ZNF534: variants seen among roughly 807,000 people sequenced by gnomAD.
The protein encoded by ZNF534 is zinc finger protein 534, also known as KRAB domain only 3.
Under a neutral mutation model 13.6 loss-of-function variants are expected in ZNF534, and 19 were observed. The ratio of observed to expected loss-of-function variants is 1.40; its 90% CI spans 0.97 to 2.05. ZNF534 has a LOEUF of 2.05. ZNF534 is among the 30% of genes most tolerant of loss of function. The pLI is 0.00. For synonymous variants in ZNF534, 244 were observed against 273.8 expected (o/e 0.89, Z 1.07); for missense variants, 782 against 796.3 (o/e 0.98, Z 0.22).
rs1198548372 is a variant in ZNF534, at chr19:52,439,303, T to G, written c.1843T>G (p.Phe615Val). Reference protein sequence around the residue: ...LYKCNECSKVFSRNSRLAQHR... With the variant: ...LYKCNECSKVVSRNSRLAQHR... ...CAAATGTAATGAATGTAGCAAGGTCTTCAGTCGGAATTCACGCCTTGCACA... is the reference window on the plus strand; with the variant it reads ...CAAATGTAATGAATGTAGCAAGGTCGTCAGTCGGAATTCACGCCTTGCACA... The change falls in exon 5 of 5, where the codon TTC (phenylalanine) becomes GTC (valine). Residue 615 changes from phenylalanine to valine, a missense_variant. Around this residue, in one of 5 missense-constraint regions of ZNF534, gnomAD observed 60 missense variants for 59.9 expected, o/e 1.00. Transcript: ENST00000433050. 6.4e-7 allele frequency: 1 copy of G among 1,559,828 alleles called. No individual in the cohort carries two copies. Among genetic ancestry groups the G allele is most frequent in the South Asian group, 1.2e-5 (1 of 85,102 alleles).
rs754407345 is a variant in ZNF534 at position 52,433,972 on chromosome 19, C to G, written c.33C>G (p.Ser11Arg). The G allele has an allele frequency of 3.1e-6, 5 of 1,613,768 alleles. No homozygotes were observed. The highest frequency in any genetic ancestry group is 1.7e-5 in the Admixed American group (1 of 59,984). MALTQGQLSF[S>R]DVAIEFSQEE... is the part of the protein sequence containing the mutation. ...CCTTTTAGGGGCAATTGTCATTCAG[C>G]GATGTGGCCATAGAATTCTCTCAGG... Residue 11 changes from serine to arginine, a missense_variant, in exon 3 of 5, where the codon AGC becomes AGG. Coordinates refer to ENST00000433050, the MANE Select transcript of ZNF534 (RefSeq NM_001143938.3).
At chr19:52,450,537 A>G (rs2059209443) in intron 4 of ZNF534, among the ~76,000 whole-genome samples, 1 of 152,016 alleles carries the variant, frequency 6.6e-6, no homozygotes, top group South Asian at 2.1e-4. Context: ...TCCCAGTAGC[A>G]AGCTGTTTTG....
chr19:52,444,789 G>T (rs1270694739), downstream of ZNF534, among the ~76,000 whole-genome samples: 1 of 152,090 alleles, frequency 6.6e-6, no homozygotes, highest in Non-Finnish European at 1.5e-5. Flanking sequence ...GGGAAAGCCG[G>T]TAGTCATAGG....
At chr19:52,429,842 G>A (rs1180183094) in intron 1 of ZNF534, among the ~76,000 whole-genome samples, 1 of 151,868 alleles carries the variant, frequency 6.6e-6, no homozygotes, top group Non-Finnish European at 1.5e-5. Flanking sequence ...TGATCTGCCC[G>A]CCTCATCCTT....
intron 4 of ZNF534, among the ~76,000 whole-genome samples, chr19:52,437,467 A>G (rs1194103015): frequency 1.3e-5 from 2 of 152,178 alleles, no homozygotes; most frequent in Non-Finnish European, 2.9e-5. Flanking sequence ...AAATAAAAAA[A>G]GTTAGCCAGG....
chr19:52,451,598 T>A (rs2059217037), exon 5 of ZNF534: 1 of 640,462 alleles, frequency 1.6e-6, no homozygotes, highest in African/African-American at 1.9e-5. Flanking sequence ...CTACGATCTG[T>A]ACAGTGCCTG....
chr19:52,436,819 C>T (rs1255328662), intron 4 of ZNF534, among the ~76,000 whole-genome samples: 1 of 151,992 alleles, frequency 6.6e-6, no homozygotes, highest in African/African-American at 2.4e-5. Flanking sequence ...TGTTTGTTAT[C>T]CTCATTCTTT....
chr19:52,432,591 A>G (rs1291082968), intron 2 of ZNF534, among the ~76,000 whole-genome samples: 1 of 152,126 alleles, frequency 6.6e-6, no homozygotes, highest in Non-Finnish European at 1.5e-5. Flanking sequence ...TGTTGTTATC[A>G]TCGCAGTTTT....
chr19:52,450,670 GT>G (rs796423133), intron 4 of ZNF534, among the ~76,000 whole-genome samples: 3,093 of 37,754 alleles, frequency 0.082, 224 homozygotes, highest in African/African-American at 0.25. Flanking sequence ...AATTTTAGGA[GT>G]TTTTTTTTTT....
At chr19:52,444,546 C>T (rs1444685955), downstream of ZNF534, among the ~76,000 whole-genome samples, 2 of 151,994 alleles carry the variant, frequency 1.3e-5, no homozygotes, top group African/African-American at 2.4e-5. Flanking sequence ...TAGGTGGGGG[C>T]AGGGCACTAG....
At chr19:52,432,418 TTC>T (rs1282595827) in intron 2 of ZNF534, among the ~76,000 whole-genome samples, 2 of 152,174 alleles carry the variant, frequency 1.3e-5, no homozygotes, top group African/African-American at 4.8e-5. Context: ...GCTGTTTCAG[TTC>T]TCACACCTGG....
At position 52,440,932 on chromosome 19, in the gene ZNF534, C is replaced by T. The variant is rs189948696; in HGVS notation, c.*1486C>T. 2.1e-4 allele frequency among the ~76,000 whole-genome samples: 31 copies of T among 150,814 alleles called. No homozygotes were observed. Among genetic ancestry groups the T allele is most frequent in the Admixed American group, 2.0e-4 (3 of 15,136 alleles). ...TTTTTTTCCCCCGAAACAAGAGTCT[C>T]GCTCTGATGCCCAGGCTGGAGTGCA... On this transcript the variant is annotated 3_prime_UTR_variant, in exon 5 of 5. Transcript: ENST00000433050.
rs2059167868 is a variant in ZNF534, at chr19:52,440,869, T to A, written c.*1423T>A. 6.6e-6 allele frequency among the ~76,000 whole-genome samples: 1 copy of A among 151,834 alleles called. No homozygotes were observed. ...TGAGAAGGTGTTCAGGTCTTAACTG[T>A]TCATTTTGTAATCCATAGTGGAGAT... On this transcript the variant is annotated 3_prime_UTR_variant, in exon 5 of 5. Transcript: ENST00000433050.
At chr19:52,433,617 T>C (rs547347334) in intron 2 of ZNF534, among the ~76,000 whole-genome samples, 2,028 of 152,250 alleles carry the variant, frequency 0.013, 23 homozygotes, top group Non-Finnish European at 0.021. Context: ...CCGACCGCCT[T>C]GGCCTCCCAA....
chr19:52,451,225 G>A, exon 5 of ZNF534: 1 of 718,938 alleles, frequency 1.4e-6, no homozygotes, highest in Middle Eastern at 2.3e-4. Flanking sequence ...CGTCTTCAGG[G>A]TGGAAGCCTG....
At position 52,441,745 on chromosome 19, in the gene ZNF534, T is replaced by C. The variant is rs985424836; in HGVS notation, c.*2299T>C. Among the ~76,000 whole-genome samples the C allele has an allele frequency of 1.3e-5, 2 of 152,136 alleles. No homozygotes were observed. The highest frequency in any genetic ancestry group is 2.9e-5 in the Non-Finnish European group (2 of 68,032). On this transcript the variant is annotated 3_prime_UTR_variant, in exon 5 of 5. Coordinates refer to ENST00000433050, the MANE Select transcript of ZNF534 (RefSeq NM_001143938.3). Reference sequence around the variant, plus strand: ...AATTCACATCTTGCGAATCACCACATAGAGAGAAACCTTACAAATACAAAT... The same window carrying C: ...AATTCACATCTTGCGAATCACCACACAGAGAGAAACCTTACAAATACAAAT...
chr19:52,435,927 TTTCTTCTTC>T (rs201515776), intron 4 of ZNF534, among the ~76,000 whole-genome samples: 1,720 of 119,062 alleles, frequency 0.014, 42 homozygotes, highest in African/African-American at 0.053. Flanking sequence ...TTTTCTTATT[TTTCTTCTTC>T]TTCTTTTTTT....
At position 52,431,449 on chromosome 19, in the gene ZNF534, G is replaced by A. The variant is rs778110923; in HGVS notation, c.-26G>A. 2.7e-5 allele frequency: 44 copies of A among 1,613,816 alleles called. No homozygotes were observed. Among genetic ancestry groups the A allele is most frequent in the Non-Finnish European group, 2.8e-5 (33 of 1,179,874 alleles). ...GACATATTATGCAAGGAAGCAACTCGGAAGAGGAAAGAAAGGAAGTCAGGA... is the reference window on the plus strand; with the variant it reads ...GACATATTATGCAAGGAAGCAACTCAGAAGAGGAAAGAAAGGAAGTCAGGA... On this transcript the variant is annotated 5_prime_UTR_variant, in exon 2 of 5. Coordinates refer to ENST00000433050, the MANE Select transcript of ZNF534 (RefSeq NM_001143938.3).
chr19:52,448,583 G>A (rs927521200), intron 4 of ZNF534, among the ~76,000 whole-genome samples: 1 of 152,000 alleles, frequency 6.6e-6, no homozygotes, highest in Non-Finnish European at 1.5e-5. Flanking sequence ...AAAAACAATT[G>A]TCTAGTGTTA....
Sources: gnomAD v4.1 joint callset for allele counts (sites outside exome capture counted in the v4.1 genomes callset) on GRCh38, gnomAD v4.1.1 for gene constraint, gnomAD v4.1.1 regional missense constraint, MANE v1.5 for transcripts, NCBI Gene and HGNC (gene_info 2026-07-23, HGNC 2026-07-21) for gene names.